The following CAST variants were observed in gnomAD, a reference collection of about 807,000 sequenced individuals.
CAST encodes the protein MIR583 host.
In CAST, 76 loss-of-function variants were observed where a neutral mutation model predicts 119.6. The ratio of observed to expected loss-of-function variants is 0.64; its 90% CI spans 0.53 to 0.77. The LOEUF is 0.77. CAST is among the 30% of genes least tolerant of loss of function. CAST has a pLI of 0.00. For missense variants in CAST, 953 were observed against 946.5 expected (o/e 1.01, Z -0.09); for synonymous variants, 319 against 331.6 (o/e 0.96, Z 0.41).
the CAST span, among the ~76,000 whole-genome samples, chr5:96,182,057 A>T: frequency 1.3e-5 from 2 of 152,238 alleles, no homozygotes; most frequent in African/African-American, 4.8e-5. Flanking sequence ...CTCATGATTT[A>T]AAAATGTCTT....
chr5:96,548,633 A>C (rs1746062350), intron 1 of CAST, among the ~76,000 whole-genome samples: 1 of 151,142 alleles, frequency 6.6e-6, no homozygotes, highest in Non-Finnish European at 1.5e-5. Flanking sequence ...TCAAATCAAA[A>C]CCCCCAATGA....
At chr5:96,210,756 A>G in the CAST span, among the ~76,000 whole-genome samples, 5 of 152,044 alleles carry the variant, frequency 3.3e-5, no homozygotes, top group Non-Finnish European at 5.9e-5. Flanking sequence ...TTAAACCTAT[A>G]TATCTATTTA....
chr5:96,308,146 C>A, the CAST span, among the ~76,000 whole-genome samples: 2 of 151,934 alleles, frequency 1.3e-5, no homozygotes, highest in Non-Finnish European at 2.9e-5. Flanking sequence ...AGGCTTTGTT[C>A]ATTTCTTTTC....
chr5:96,771,530 C>A lies in CAST; in HGVS notation c.2341-114C>A, dbSNP rs1432187234. On this transcript the variant is annotated intron_variant, in intron 30 of 31. Coordinates refer to ENST00000675179, the MANE Select transcript of CAST (RefSeq NM_001750.7). ...GATGAAGAAGAGAAACTGAAAGGAC[C>A]ATCTTATTTTTCCCCACTGACTGCC... 8.9e-6 allele frequency: 6 copies of A among 674,116 alleles called. No homozygotes were observed. The Admixed American group carries it at 1.3e-4, about 15-fold the overall frequency. 41.8% of individuals were successfully genotyped at this position (674,116 alleles called of 1,614,324 possible).
At chr5:96,764,857 CAT>C (rs965535430) in intron 25 of CAST, among the ~76,000 whole-genome samples, 2 of 152,174 alleles carry the variant, frequency 1.3e-5, no homozygotes, top group African/African-American at 2.4e-5. Flanking sequence ...GAAAGGCACA[CAT>C]GATTGGTTCA....
intron 1 of CAST, among the ~76,000 whole-genome samples, chr5:96,587,077 C>T (rs1010717612): frequency 3.9e-5 from 6 of 152,218 alleles, no homozygotes; most frequent in African/African-American, 1.4e-4. Flanking sequence ...TATTATTGAA[C>T]AGAGTGTTAT....
the CAST span, among the ~76,000 whole-genome samples, chr5:96,293,064 G>A: frequency 6.6e-6 from 1 of 152,146 alleles, no homozygotes. Context: ...TTCTTCTCTG[G>A]CCGGGATTCA....
the CAST span, among the ~76,000 whole-genome samples, chr5:96,050,999 G>C: frequency 6.6e-6 from 1 of 152,130 alleles, no homozygotes; most frequent in Non-Finnish European, 1.5e-5. Context: ...TGAGACAAAG[G>C]CAGTATTTAC....
chr5:96,622,924 C>T (rs1174963306), intron 1 of CAST, among the ~76,000 whole-genome samples: 4 of 94,508 alleles, frequency 4.2e-5, no homozygotes, highest in Non-Finnish European at 5.9e-5. Context: ...AGTGCAGTGG[C>T]GGGATCTCGG....
intron 1 of CAST, among the ~76,000 whole-genome samples, chr5:96,565,274 G>A (rs1407370030): frequency 6.6e-6 from 1 of 151,878 alleles, no homozygotes; most frequent in African/African-American, 2.4e-5. Context: ...TAAATGATAT[G>A]ATAAATATGA....
At chr5:96,210,856 G>A in the CAST span, among the ~76,000 whole-genome samples, 2 of 151,530 alleles carry the variant, frequency 1.3e-5, no homozygotes, top group African/African-American at 4.8e-5. Flanking sequence ...TCCTTCATCG[G>A]CATTTTGTAA....
the CAST span, among the ~76,000 whole-genome samples, chr5:96,241,202 TCCCTCCC>T: frequency 8.5e-6 from 1 of 118,126 alleles, no homozygotes; most frequent in Non-Finnish European, 1.7e-5. Context: ...CCCAATGCTA[TCCCTCCC>T]CCCTCCCCCC....
the CAST span, among the ~76,000 whole-genome samples, chr5:96,345,944 C>G: frequency 6.6e-6 from 1 of 152,122 alleles, no homozygotes; most frequent in Admixed American, 6.6e-5. Flanking sequence ...TTACTGTATT[C>G]TATTTATTGG....
At chr5:96,628,439 C>T (rs1747764267) in intron 1 of CAST, among the ~76,000 whole-genome samples, 1 of 152,184 alleles carries the variant, frequency 6.6e-6, no homozygotes, top group Admixed American at 6.5e-5. Context: ...ACCCTAAAGT[C>T]CTTGAAACGT....
chr5:96,317,701 T>C, the CAST span, among the ~76,000 whole-genome samples: 1 of 152,182 alleles, frequency 6.6e-6, no homozygotes, highest in Non-Finnish European at 1.5e-5. Context: ...TCCTATTGCA[T>C]GCAGCAACAA....
chr5:95,976,931 C>T, the CAST span, among the ~76,000 whole-genome samples: 1 of 152,178 alleles, frequency 6.6e-6, no homozygotes, highest in South Asian at 2.1e-4. Flanking sequence ...CCTGCCCTAT[C>T]ATTTATTAAT....
the CAST span, chr5:96,410,758 G>C: frequency 6.2e-7 from 1 of 1,602,090 alleles, no homozygotes; most frequent in East Asian, 2.2e-5. Context: ...GAGAGAATTA[G>C]ACAAAAGCAA....
chr5:96,616,274 A>G (rs1273796674), intron 1 of CAST, among the ~76,000 whole-genome samples: 7 of 152,192 alleles, frequency 4.6e-5, no homozygotes, highest in Admixed American at 1.3e-4. Context: ...ATCTTCATCC[A>G]TAGCTCTAGA....
At chr5:96,012,226 A>G in the CAST span, among the ~76,000 whole-genome samples, 2 of 152,048 alleles carry the variant, frequency 1.3e-5, no homozygotes, top group African/African-American at 4.8e-5. Flanking sequence ...TTTATTTCCC[A>G]GGTCAGCCCA....
Sources: gnomAD v4.1 joint callset for allele counts (sites outside exome capture counted in the v4.1 genomes callset) on GRCh38, gnomAD v4.1.1 for gene constraint, MANE v1.5 for transcripts, NCBI Gene and HGNC (gene_info 2026-07-23, HGNC 2026-07-21) for gene names.